Variants in CMYA5 observed in about 807,000 individuals in gnomAD.
CMYA5 encodes the protein cardiomyopathy-associated protein 5.
In CMYA5, 246 loss-of-function variants were observed where a neutral mutation model predicts 318.9. That is an observed-to-expected ratio of 0.77 (90% confidence interval 0.70 to 0.86). The LOEUF (loss-of-function observed/expected upper bound fraction) is 0.86, where lower values mean the gene tolerates loss of function less well. CMYA5 is among the 40% of genes least tolerant of loss of function. The pLI is 0.00. For synonymous variants in CMYA5, 1,641 were observed against 1,729.5 expected, an observed-to-expected ratio of 0.95 and a Z score of 1.27; for missense variants, 4,589 against 4,678.2, an observed-to-expected ratio of 0.98 and a Z score of 0.56.
At position 79,726,232 on chromosome 5, in the gene CMYA5, A is replaced by G. The variant is rs147845277; in HGVS notation, c.150-2683A>G. ...TGGGCACATAGAATTTACAATCAAT[A>G]GTTAACTCTAAATTGAACTTATAAT... On this transcript the variant is annotated intron_variant, in intron 1 of 12. Transcript: ENST00000446378. Among the ~76,000 whole-genome samples the G allele has an allele frequency of 3.1e-3, 477 of 152,338 alleles. 1 individual carries two copies. Among genetic ancestry groups the G allele is most frequent in the African/African-American group, 0.01 (418 of 41,574 alleles).
chr5:79,758,924 C>A, intron 7 of CMYA5, 22 bp downstream of exon 7: 1 of 1,539,678 alleles, frequency 6.5e-7, no homozygotes, highest in East Asian at 2.4e-5. Flanking sequence ...AACACAAATA[C>A]AAATGCATAT....
chr5:79,740,142 A>G (rs1349513237), intron 2 of CMYA5, among the ~76,000 whole-genome samples: 6 of 152,348 alleles, frequency 3.9e-5, no homozygotes, highest in Admixed American at 3.9e-4. Flanking sequence ...TATGCCGGTT[A>G]TATGAAAATA....
At chr5:79,775,952 G>A (rs1474423676) in intron 9 of CMYA5, among the ~76,000 whole-genome samples, 5 of 152,146 alleles carry the variant, frequency 3.3e-5, no homozygotes, top group Non-Finnish European at 5.9e-5. Context: ...CCTTTGGAGG[G>A]TAACTATAGA....
At chr5:79,776,937 G>A (rs1828949557) in intron 9 of CMYA5, among the ~76,000 whole-genome samples, 1 of 152,156 alleles carries the variant, frequency 6.6e-6, no homozygotes, top group African/African-American at 2.4e-5. Context: ...AGATCCAGGG[G>A]TTGGACATGG....
intron 9 of CMYA5, among the ~76,000 whole-genome samples, chr5:79,769,061 T>C (rs567817377): frequency 1.1e-3 from 166 of 152,172 alleles, no homozygotes; most frequent in African/African-American, 3.7e-3. Flanking sequence ...CAGTCTCTGA[T>C]AACCTTTCTT....
chr5:79,762,013 CT>C, intron 8 of CMYA5, 56 bp downstream of exon 8: 1 of 1,536,990 alleles, frequency 6.5e-7, no homozygotes, highest in Non-Finnish European at 8.8e-7. Context: ...TCTTCACAGA[CT>C]CTTGAGATCA....
In CMYA5 at chr5:79,768,054, C is replaced by T. The variant is rs146631385; in HGVS notation, c.11555+4845C>T. On this transcript the variant is annotated intron_variant, in intron 9 of 12. Transcript: ENST00000446378. ...TGTTGATCCCTTTGCCATTATGTAA[C>T]GGCCTTCTTTGTCTTTTTTGATCTT... is the stretch of plus-strand genomic sequence containing the variant. Among the ~76,000 whole-genome samples, 639 of 151,968 alleles carry T rather than the reference C, an allele frequency of 4.2e-3. 1 individual carries two copies. The highest frequency in any genetic ancestry group is 0.015 in the African/African-American group (607 of 41,460).
Position 79,738,764 on chromosome 5 carries a change from C to A in CMYA5, c.9999C>A (p.Thr3333=). The A allele has an allele frequency of 6.2e-7, 1 of 1,613,826 alleles. No homozygotes were observed. Among genetic ancestry groups the A allele is most frequent in the East Asian group, 2.2e-5 (1 of 44,870 alleles). The change falls in exon 2 of 13, where the codon ACC becomes ACA. Residue 3333 remains threonine (T), a synonymous_variant. Coordinates refer to ENST00000446378, the MANE Select transcript of CMYA5 (RefSeq NM_153610.5). ...TCACAGAGGACGTCAGAGTGGCTAC[C>A]CAGAAAATAAGTTATGCGGTTCCAT... ...APITEDVRVA[T]QKISYAVPFE... is the part of the protein sequence containing the mutation.
At chr5:79,715,757 A>G (rs1335807098) in intron 1 of CMYA5, among the ~76,000 whole-genome samples, 1 of 152,158 alleles carries the variant, frequency 6.6e-6, no homozygotes, top group Non-Finnish European at 1.5e-5. Flanking sequence ...AAGAATACCA[A>G]CTTTTATCTT....
intron 1 of CMYA5, among the ~76,000 whole-genome samples, chr5:79,727,749 G>A (rs986347387): frequency 2.0e-5 from 3 of 152,160 alleles, no homozygotes; most frequent in Admixed American, 6.5e-5. Flanking sequence ...GAGGAACAGC[G>A]TAAGTACAAG....
Position 79,728,977 on chromosome 5 carries a change from T to G in CMYA5, c.212T>G (p.Phe71Cys), listed in dbSNP as rs781500007. 54 of 1,613,594 alleles carry G rather than the reference T, an allele frequency of 3.3e-5. No homozygotes were observed. Among genetic ancestry groups the G allele is most frequent in the Non-Finnish European group, 4.4e-5 (52 of 1,179,716 alleles). Residue 71 changes from phenylalanine (F) to cysteine (C), a missense_variant, in exon 2 of 13, where the codon TTT becomes TGT. Physicochemically the swap from Phe to Cys is radical, Grantham distance 205 (BLOSUM62 -2). Around this residue, in one of 3 missense-constraint regions of CMYA5, gnomAD observed 2,132 missense variants for 2,131.3 expected, o/e 1.00. Coordinates refer to ENST00000446378, the MANE Select transcript of CMYA5 (RefSeq NM_153610.5). The part of the protein sequence containing the change: ...KQEYIISDPS[F>C]SMVTVQREDS... ...GAGTATATCATATCTGACCCCTCCT[T>G]TTCCATGGTGACAGTCCAAAGGGAA...
intron 11 of CMYA5, among the ~76,000 whole-genome samples, chr5:79,791,877 T>C (rs1829186914): frequency 6.6e-6 from 1 of 152,088 alleles, no homozygotes; most frequent in Non-Finnish European, 1.5e-5. Flanking sequence ...CCCTGCAATT[T>C]GCCTGCAAGC....
intron 9 of CMYA5, among the ~76,000 whole-genome samples, chr5:79,776,138 T>C (rs1037671663): frequency 6.6e-6 from 1 of 152,176 alleles, no homozygotes; most frequent in Non-Finnish European, 1.5e-5. Flanking sequence ...ATCTCAGCAC[T>C]TGGGGAGTCT....
At chr5:79,777,450 C>G (rs1828958171) in intron 9 of CMYA5, among the ~76,000 whole-genome samples, 1 of 152,092 alleles carries the variant, frequency 6.6e-6, no homozygotes, top group South Asian at 2.1e-4. Context: ...CATCCCATAT[C>G]AATACATATG....
intron 5 of CMYA5, among the ~76,000 whole-genome samples, chr5:79,751,634 T>G (rs1828431643): frequency 6.6e-6 from 1 of 152,220 alleles, no homozygotes; most frequent in South Asian, 2.1e-4. Flanking sequence ...ACTATTGGCC[T>G]CTTATTTATT....
intron 11 of CMYA5, among the ~76,000 whole-genome samples, chr5:79,793,075 C>A (rs980620744): frequency 6.6e-6 from 1 of 152,190 alleles, no homozygotes; most frequent in Non-Finnish European, 1.5e-5. Context: ...TGTTTCCTAC[C>A]TGCTTCCCTT....
intron 9 of CMYA5, among the ~76,000 whole-genome samples, chr5:79,787,561 C>T (rs1020789376): frequency 1.3e-5 from 2 of 152,166 alleles, no homozygotes; most frequent in East Asian, 3.9e-4. Context: ...TGTCATTGAT[C>T]CAGTCTGAGT....
At chr5:79,798,559 A>G (rs1254989423) in intron 12 of CMYA5, among the ~76,000 whole-genome samples, 1 of 130,480 alleles carries the variant, frequency 7.7e-6, no homozygotes, top group Non-Finnish European at 1.7e-5. Context: ...TGTGTCTAGT[A>G]AACACTTGAA....
Position 79,736,611 on chromosome 5 carries a change from G to A in CMYA5, c.7846G>A (p.Gly2616Arg), listed in dbSNP as rs369852009. 2.5e-6 allele frequency: 4 copies of A among 1,613,682 alleles called. No individual in the cohort carries two copies. Among genetic ancestry groups the A allele is most frequent in the Non-Finnish European group, 3.4e-6 (4 of 1,179,816 alleles). Residue 2616 changes from glycine to arginine, a missense_variant, in exon 2 of 13, where the codon GGA (glycine) becomes AGA (arginine). Gly to Arg is a moderately radical substitution (Grantham distance 125). Around this residue, in one of 3 missense-constraint regions of CMYA5, gnomAD observed 2,431 missense variants for 2,495.1 expected, o/e 0.97. Coordinates refer to ENST00000446378, the MANE Select transcript of CMYA5 (RefSeq NM_153610.5). ...AGAAATCAGAGAAGCAAAGGCAGTA[G>A]GAACCCAACCACATCCTTTAGAAGA... is the stretch of plus-strand genomic sequence containing the variant. ...HPEIREAKAV[G>R]TQPHPLEESK...
Sources: gnomAD v4.1 joint callset for allele counts (sites outside exome capture counted in the v4.1 genomes callset) on GRCh38, gnomAD v4.1.1 for gene constraint, gnomAD v4.1.1 regional missense constraint, MANE v1.5 for transcripts, NCBI Gene and HGNC (gene_info 2026-07-23, HGNC 2026-07-21) for gene names.